MYO16: variants seen among roughly 807,000 people sequenced by gnomAD.
MYO16 encodes the protein myosin XVI.
MYO16 carries 94 observed loss-of-function variants against 205.3 expected under a neutral mutation model. That is an observed-to-expected ratio of 0.46 (90% CI 0.39 to 0.54). The LOEUF is 0.54. Among genes scored for constraint, MYO16 ranks in the 20% least tolerant of loss-of-function variants. MYO16 has a pLI of 0.00. For missense variants in MYO16, 2,315 were observed against 2,387.5 expected (o/e 0.97, Z 0.63); for synonymous variants, 988 against 954.0 (o/e 1.04, Z -0.66).
At chr13:108,673,228 T>C (rs1282726932) in intron 2 of MYO16, among the ~76,000 whole-genome samples, 1 of 152,186 alleles carries the variant, frequency 6.6e-6, no homozygotes, top group Admixed American at 6.6e-5. Context: ...CCTTGCCATT[T>C]GAAATTCTTT....
At chr13:108,628,358 A>G (rs527788222), upstream of MYO16, among the ~76,000 whole-genome samples, 52 of 152,310 alleles carry the variant, frequency 3.4e-4, no homozygotes, top group African/African-American at 1.1e-3. Context: ...TGGTACATAC[A>G]TAAGTTTTTT....
chr13:109,183,703 GT>G (rs1879554440), intron 34 of MYO16, among the ~76,000 whole-genome samples: 1 of 151,954 alleles, frequency 6.6e-6, no homozygotes, highest in Non-Finnish European at 1.5e-5. Context: ...ATATTCTTTT[GT>G]TTTTGTAAAG....
At chr13:108,983,626 T>C (rs1318599682) in intron 20 of MYO16, among the ~76,000 whole-genome samples, 1 of 152,178 alleles carries the variant, frequency 6.6e-6, no homozygotes, top group African/African-American at 2.4e-5. Flanking sequence ...ACTGCTGCTT[T>C]CTGTGAGCGG....
chr13:108,852,009 C>T (rs1198206847), intron 10 of MYO16, among the ~76,000 whole-genome samples: 6 of 152,176 alleles, frequency 3.9e-5, no homozygotes, highest in Non-Finnish European at 8.8e-5. Flanking sequence ...GACCTTACAG[C>T]CCTCACCATG....
At chr13:108,594,172 A>G (rs534929677), upstream of MYO16, among the ~76,000 whole-genome samples, 13 of 152,282 alleles carry the variant, frequency 8.5e-5, no homozygotes, top group South Asian at 2.3e-3. Flanking sequence ...CCTTAGAGAT[A>G]AGATTTACCA....
intron 34 of MYO16, among the ~76,000 whole-genome samples, chr13:109,184,992 C>A (rs1344353733): frequency 6.6e-6 from 1 of 152,100 alleles, no homozygotes; most frequent in Non-Finnish European, 1.5e-5. Context: ...TCAGGCTGGT[C>A]TCAAACTCCT....
intron 15 of MYO16, among the ~76,000 whole-genome samples, chr13:108,900,546 T>C (rs1344675376): frequency 6.6e-6 from 1 of 152,228 alleles, no homozygotes; most frequent in Non-Finnish European, 1.5e-5. Flanking sequence ...ACGCCTGTCT[T>C]TACTGCAGTC....
chr13:108,805,467 T>A (rs1474632355), intron 6 of MYO16, among the ~76,000 whole-genome samples: 1 of 152,304 alleles, frequency 6.6e-6, no homozygotes, highest in East Asian at 1.9e-4. Flanking sequence ...AATTTTGTCT[T>A]TGTAATAAAA....
At chr13:108,786,925 A>G (rs9521054) in intron 5 of MYO16, among the ~76,000 whole-genome samples, 133,935 of 152,260 alleles carry the variant, frequency 0.88, 59,180 homozygotes, top group East Asian at 1. Context: ...TGTGCCTCGT[A>G]GGAGGCAGAT....
intron 21 of MYO16, among the ~76,000 whole-genome samples, chr13:109,007,455 G>A (rs1261280879): frequency 2.6e-5 from 4 of 151,942 alleles, no homozygotes; most frequent in African/African-American, 9.7e-5. Context: ...AAGTTTGATG[G>A]CGCCATGGTG....
chr13:108,996,145 C>T lies in MYO16; in HGVS notation c.2442+3697C>T, dbSNP rs186504513. Reference sequence around the variant, plus strand: ...GACACATGCACATGTATGTTTATTGCGGCACTATTCACAATAGCAAAATTA... The same window carrying T: ...GACACATGCACATGTATGTTTATTGTGGCACTATTCACAATAGCAAAATTA... On this transcript the variant is annotated intron_variant, in intron 21 of 34. Transcript: ENST00000457511. Among the ~76,000 whole-genome samples the T allele has an allele frequency of 3.7e-4, 56 of 152,210 alleles. No individual in the cohort carries two copies. The Middle Eastern group carries it at 0.014, about 37-fold the overall frequency.
Position 108,911,281 on chromosome 13 carries a change from T to C in MYO16, c.1925+1131T>C, listed in dbSNP as rs1881254091. Among the ~76,000 whole-genome samples the C allele has an allele frequency of 2.6e-5, 4 of 152,076 alleles. No individual in the cohort carries two copies. In the South Asian group the frequency reaches 8.3e-4, roughly 32 times the overall value. ...CCCATCTGAAGCCATTATATTCTGG[T>C]TGGGGAGATATTAATAAACAGGTTG... On this transcript the variant is annotated intron_variant, in intron 16 of 34. Coordinates refer to ENST00000457511, the MANE Select transcript of MYO16 (RefSeq NM_001198950.3).
At chr13:108,651,401 A>G (rs926711007) in intron 1 of MYO16, among the ~76,000 whole-genome samples, 14 of 152,208 alleles carry the variant, frequency 9.2e-5, no homozygotes, top group African/African-American at 3.4e-4. Flanking sequence ...ATGACTGTAA[A>G]TCTATATCCA....
At chr13:108,598,021 G>A (rs969798047) in intron 1 of MYO16, among the ~76,000 whole-genome samples, 3 of 152,164 alleles carry the variant, frequency 2.0e-5, no homozygotes, top group African/African-American at 4.8e-5. Context: ...CCCTATCCAC[G>A]GCTGCTCCAC....
chr13:108,827,747 C>A (rs1316676546), intron 9 of MYO16, among the ~76,000 whole-genome samples: 3 of 152,154 alleles, frequency 2.0e-5, no homozygotes, highest in South Asian at 2.1e-4. Flanking sequence ...CTCTGTGTTG[C>A]CTTTCTGTCT....
intron 27 of MYO16, among the ~76,000 whole-genome samples, chr13:109,078,434 C>CT (rs971719003): frequency 3.9e-5 from 6 of 152,106 alleles, no homozygotes; most frequent in African/African-American, 1.4e-4. Flanking sequence ...GAGCAAAACT[C>CT]TTTAAAAAAA....
At chr13:108,990,147 T>TACACACACACACAC (rs56975148) in intron 20 of MYO16, among the ~76,000 whole-genome samples, 2 of 148,396 alleles carry the variant, frequency 1.3e-5, no homozygotes, top group African/African-American at 5.0e-5. Flanking sequence ...ACACAGACAA[T>TACACACACACACAC]ACACACACAC....
At chr13:109,132,067 GT>G (rs1876568119) in intron 31 of MYO16, among the ~76,000 whole-genome samples, 2 of 152,224 alleles carry the variant, frequency 1.3e-5, no homozygotes, top group South Asian at 4.1e-4. Flanking sequence ...TAACTTTGTT[GT>G]TAATGAAGCC....
In MYO16 at chr13:108,947,254, A is replaced by G. The variant is rs76332935; in HGVS notation, c.1926-10434A>G. On this transcript the variant is annotated intron_variant, in intron 16 of 34. Coordinates refer to ENST00000457511, the MANE Select transcript of MYO16 (RefSeq NM_001198950.3). ...TGGTGCTGTGGACATGGCCTTACAC[A>G]TGCTTTCTGGTCACCTTCTCCCCTG... is the stretch of plus-strand genomic sequence containing the variant. Among the ~76,000 whole-genome samples the G allele has an allele frequency of 5.9e-3, 897 of 152,278 alleles. 6 individuals are homozygous for G. The highest frequency in any genetic ancestry group is 0.019 in the African/African-American group (803 of 41,558).
Sources: gnomAD v4.1 joint callset for allele counts (sites outside exome capture counted in the v4.1 genomes callset) on GRCh38, gnomAD v4.1.1 for gene constraint, MANE v1.5 for transcripts, NCBI Gene and HGNC (gene_info 2026-07-23, HGNC 2026-07-21) for gene names.